The following RYR3 variants were observed in gnomAD, a reference collection of about 807,000 sequenced individuals.
RYR3 encodes the protein brain ryanodine receptor-calcium release channel.
Under a neutral mutation model 584.3 loss-of-function variants are expected in RYR3, and 207 were observed. The observed-to-expected ratio is 0.35, with a 90% confidence interval of 0.32 to 0.40. The LOEUF (loss-of-function observed/expected upper bound fraction) is 0.40, where lower values mean the gene tolerates loss of function less well. RYR3 is among the 10% of genes least tolerant of loss of function. The pLI is 1.00. For missense variants in RYR3, 5,616 were observed against 6,089.2 expected (o/e 0.92, Z 2.59); for synonymous variants, 2,416 against 2,248.5 (o/e 1.07, Z -2.11).
intron 2 of RYR3, among the ~76,000 whole-genome samples, chr15:33,490,472 T>C (rs2050871529): frequency 6.6e-6 from 1 of 152,186 alleles, no homozygotes; most frequent in South Asian, 2.1e-4. Flanking sequence ...TTGGGGTGGT[T>C]CAGGTGCACT....
In RYR3 at chr15:33,401,626, A is replaced by G. The variant is rs1018674677; in HGVS notation, c.52-71793A>G. On this transcript the variant is annotated intron_variant, in intron 1 of 103. Coordinates refer to ENST00000634891, the MANE Select transcript of RYR3 (RefSeq NM_001036.6). ...GATTACAAAACAGTATGTGAACATGACAGTGTGATGTCATATGGAAAAAGG... is the reference window on the plus strand; with the variant it reads ...GATTACAAAACAGTATGTGAACATGGCAGTGTGATGTCATATGGAAAAAGG... 2.6e-5 allele frequency among the ~76,000 whole-genome samples: 4 copies of G among 152,344 alleles called. No homozygotes were observed. The East Asian group carries it at 5.8e-4, about 22-fold the overall frequency.
intron 1 of RYR3, among the ~76,000 whole-genome samples, chr15:33,454,096 G>A (rs1454239819): frequency 6.6e-6 from 1 of 152,196 alleles, no homozygotes; most frequent in Non-Finnish European, 1.5e-5. Flanking sequence ...TGTTCCTTCA[G>A]TGATTTGTGA....
chr15:33,378,837 T>C (rs2040945204), intron 1 of RYR3, among the ~76,000 whole-genome samples: 1 of 152,106 alleles, frequency 6.6e-6, no homozygotes, highest in Non-Finnish European at 1.5e-5. Flanking sequence ...TAGCTGTGTG[T>C]GCCTGTAGTC....
In RYR3 at chr15:33,695,747, T is replaced by G. The variant is rs186980496; in HGVS notation, c.5861-471T>G. 4.6e-3 allele frequency among the ~76,000 whole-genome samples: 704 copies of G among 152,166 alleles called. 24 individuals carry two copies. Among genetic ancestry groups the G allele is most frequent in the Admixed American group, 0.041 (621 of 15,272 alleles). ...TTATTTGTCTTTTGATGATATATTCTACTTCTGTGCATGTCATAACCCACC... is the reference window on the plus strand; with the variant it reads ...TTATTTGTCTTTTGATGATATATTCGACTTCTGTGCATGTCATAACCCACC... On this transcript the variant is annotated intron_variant, in intron 38 of 103. Transcript: ENST00000634891.
chr15:33,647,509 T>C lies in RYR3; in HGVS notation c.3978+49T>C, dbSNP rs199872680. On this transcript the variant is annotated intron_variant, in intron 30 of 103. Transcript: ENST00000634891. ...GTTTTAATTATTTGATTCTTTGTTG[T>C]GCCTGGTAATATGCCCCTTACAGCA... 6.9e-5 allele frequency: 95 copies of C among 1,385,004 alleles called. No homozygotes were observed. In the East Asian group the frequency reaches 2.0e-3, roughly 29 times the overall value. The allele number at this position is 1,385,004 out of a possible 1,614,324, so 85.8% of individuals were successfully genotyped here.
At position 33,497,892 on chromosome 15, in the gene RYR3, C is replaced by T. The variant is rs187275651; in HGVS notation, c.172-5739C>T. On this transcript the variant is annotated intron_variant, in intron 2 of 103. Coordinates refer to ENST00000634891, the MANE Select transcript of RYR3 (RefSeq NM_001036.6). ...CCCACCCCTTCCCAGCCTCTAGTAA[C>T]CACCATTCTACTCTCTCTACATCTA... Among the ~76,000 whole-genome samples, 287 of 152,248 alleles carry T rather than the reference C, an allele frequency of 1.9e-3. 1 individual carries two copies. Among genetic ancestry groups the T allele is most frequent in the African/African-American group, 6.5e-3 (268 of 41,540 alleles).
intron 98 of RYR3, among the ~76,000 whole-genome samples, chr15:33,857,123 GC>G (rs1477739071): frequency 6.6e-6 from 1 of 152,092 alleles, no homozygotes; most frequent in African/African-American, 2.4e-5. Context: ...CCAATCTAAT[GC>G]CCTATACATT....
Position 33,519,249 on chromosome 15 carries a change from C to T in RYR3, c.280-11343C>T, listed in dbSNP as rs975598963. ...TTCTGAGAAGCTTATCTACAGTCTT[C>T]ACCACACATAGATTTTGTAGTAGGG... On this transcript the variant is annotated intron_variant, in intron 3 of 103. Coordinates refer to ENST00000634891, the MANE Select transcript of RYR3 (RefSeq NM_001036.6). Among the ~76,000 whole-genome samples, 23 of 152,298 alleles carry T rather than the reference C, an allele frequency of 1.5e-4. No homozygotes were observed. The East Asian group carries it at 1.5e-3, about 10-fold the overall frequency.
intron 27 of RYR3, among the ~76,000 whole-genome samples, chr15:33,638,167 T>C (rs1385465706): frequency 6.6e-6 from 1 of 152,192 alleles, no homozygotes; most frequent in African/African-American, 2.4e-5. Context: ...TTTAAAGAAA[T>C]AACTCTGTTT....
chr15:33,861,120 A>G lies in RYR3; in HGVS notation c.14407A>G (p.Thr4803Ala). 1.3e-6 allele frequency: 2 copies of G among 1,597,884 alleles called. No individual in the cohort carries two copies. The highest frequency in any genetic ancestry group is 1.7e-6 in the Non-Finnish European group (2 of 1,171,366). Residue 4803 changes from threonine to alanine, a missense_variant, in exon 102 of 104, where the codon ACA becomes GCA. Thr to Ala is a moderately conservative substitution (Grantham distance 58). Around this residue, in one of 9 missense-constraint regions of RYR3, gnomAD observed 918 missense variants for 887.4 expected, o/e 1.03. Coordinates refer to ENST00000634891, the MANE Select transcript of RYR3 (RefSeq NM_001036.6). Reference protein sequence around the residue: ...ICGIGNDYFDTTPHGFETHTL... With the variant: ...ICGIGNDYFDATPHGFETHTL... Reference sequence around the variant, plus strand: ...TGGGATTGGCAATGACTACTTTGACACAACCCCTCATGGTTTTGAAACACA... The same window carrying G: ...TGGGATTGGCAATGACTACTTTGACGCAACCCCTCATGGTTTTGAAACACA...
rs8026335 is a variant in RYR3, at chr15:33,510,978, G to A, written c.279+7240G>A. On this transcript the variant is annotated intron_variant, in intron 3 of 103. Coordinates refer to ENST00000634891, the MANE Select transcript of RYR3 (RefSeq NM_001036.6). The stretch of plus-strand genomic sequence containing the variant: ...CTGGCCTTTTGATGACATGATTTTT[G>A]GTTAAAATATGCCATCAGGAAGACC... Among the ~76,000 whole-genome samples, 978 of 152,082 alleles carry A rather than the reference G, an allele frequency of 6.4e-3. 16 individuals are homozygous for A. Among genetic ancestry groups the A allele is most frequent in the African/African-American group, 0.022 (932 of 41,470 alleles).
chr15:33,658,887 C>T (rs1460842340), intron 32 of RYR3, among the ~76,000 whole-genome samples: 1 of 152,090 alleles, frequency 6.6e-6, no homozygotes, highest in Non-Finnish European at 1.5e-5. Flanking sequence ...CTGAAGAGTG[C>T]AAAGGGGGTG....
rs192304299 is a variant in RYR3 at position 33,724,488 on chromosome 15, G to C, written c.6912+312G>C. On this transcript the variant is annotated intron_variant, in intron 45 of 103. Transcript: ENST00000634891. ...AATTTGGTCAAAATGGGAGCAACTT[G>C]ATTCTGGATCATGGCCATCAGGATG... 2.6e-4 allele frequency among the ~76,000 whole-genome samples: 40 copies of C among 152,252 alleles called. No individual in the cohort carries two copies. The East Asian group carries it at 6.6e-3, about 25-fold the overall frequency.
At chr15:33,462,710 A>G (rs2033610) in intron 1 of RYR3, among the ~76,000 whole-genome samples, 88,166 of 152,078 alleles carry the variant, frequency 0.58, 26,183 homozygotes, top group African/African-American at 0.73. Flanking sequence ...CCATTGCACA[A>G]TTTGTCAGGA....
At chr15:33,481,442 C>A (rs183840995) in intron 2 of RYR3, among the ~76,000 whole-genome samples, 1 of 151,502 alleles carries the variant, frequency 6.6e-6, no homozygotes, top group East Asian at 1.9e-4. Context: ...TCTCTGTTGG[C>A]TTTTTAGCTC....
chr15:33,691,415 C>G (rs1025317796), intron 38 of RYR3, among the ~76,000 whole-genome samples: 5 of 152,182 alleles, frequency 3.3e-5, no homozygotes, highest in African/African-American at 1.2e-4. Context: ...CTCCCAGTGG[C>G]AGCTAAACAT....
intron 5 of RYR3, 137 bp from the exon 6 acceptor site, chr15:33,539,213 C>A (rs2055594710): frequency 1.7e-6 from 1 of 603,318 alleles, no homozygotes; most frequent in Non-Finnish European, 3.0e-6. Flanking sequence ...GGTTAGAGAC[C>A]AACAGAAGTT....
chr15:33,676,521 A>G (rs1271886230), intron 38 of RYR3, among the ~76,000 whole-genome samples: 1 of 152,238 alleles, frequency 6.6e-6, no homozygotes, highest in African/African-American at 2.4e-5. Flanking sequence ...GAAGAAGAAC[A>G]AGGCATTAAA....
intron 14 of RYR3, among the ~76,000 whole-genome samples, chr15:33,581,869 A>G (rs1371541696): frequency 6.6e-6 from 1 of 152,092 alleles, no homozygotes; most frequent in East Asian, 1.9e-4. Context: ...TACCTGGGAA[A>G]CTGTTTGACA....
Sources: gnomAD v4.1 joint callset for allele counts (sites outside exome capture counted in the v4.1 genomes callset) on GRCh38, gnomAD v4.1.1 for gene constraint, gnomAD v4.1.1 regional missense constraint, MANE v1.5 for transcripts, NCBI Gene and HGNC (gene_info 2026-07-23, HGNC 2026-07-21) for gene names.